The following ZYG11A variants were observed in gnomAD, a reference collection of about 807,000 sequenced individuals.
ZYG11A encodes zyg-11 family member A, cell cycle regulator.
Under a neutral mutation model 77.2 loss-of-function variants are expected in ZYG11A, and 62 were observed. The observed-to-expected ratio is 0.80, with a 90% CI of 0.65 to 0.99. The LOEUF (loss-of-function observed/expected upper bound fraction) is 0.99, where lower values mean the gene tolerates loss of function less well. Among genes scored for constraint, ZYG11A ranks in the 50% least tolerant of loss-of-function variants. The pLI is 0.00. For missense variants in ZYG11A, 828 were observed against 896.8 expected, an observed-to-expected ratio of 0.92 and a Z score of 0.98; for synonymous variants, 315 against 324.6, an observed-to-expected ratio of 0.97 and a Z score of 0.32.
At chr1:52,872,431 T>C (rs1414631717) in intron 8 of ZYG11A, among the ~76,000 whole-genome samples, 2 of 152,136 alleles carry the variant, frequency 1.3e-5, no homozygotes, top group Non-Finnish European at 2.9e-5. Flanking sequence ...TTACTGCTCA[T>C]TGATAATACA....
Position 52,857,626 on chromosome 1 carries a change from C to T in ZYG11A, c.885C>T (p.Gly295=), listed in dbSNP as rs748705308. 7.1e-6 allele frequency: 11 copies of T among 1,551,890 alleles called. No individual in the cohort carries two copies. The highest frequency in any genetic ancestry group is 1.2e-5 in the South Asian group (1 of 84,058). The change falls in exon 3 of 14, where the codon GGC becomes GGT. Residue 295 remains glycine (G), a synonymous_variant. Coordinates refer to ENST00000371528, the MANE Select transcript of ZYG11A (RefSeq NM_001004339.3). ...TTGTGTCATTGGATATTTCTGGGGG[C>T]AATTGCATCACTGATGAAGCTGTAG... ...PNVVSLDISG[G]NCITDEAVEL... is the part of the protein sequence containing the mutation.
intron 8 of ZYG11A, among the ~76,000 whole-genome samples, chr1:52,875,104 A>G (rs893590633): frequency 6.6e-6 from 1 of 152,212 alleles, no homozygotes; most frequent in Non-Finnish European, 1.5e-5. Context: ...GGAAGCTGAG[A>G]GTGGGTGTTT....
rs1645846435 is a variant in ZYG11A at position 52,857,889 on chromosome 1, G to T, written c.1008+140G>T. ...TTAAAGAGCTTTTTTAATAATTAAT[G>T]ATTATTATGTACCTACTATGTGGAA... On this transcript the variant is annotated intron_variant, in intron 3 of 13. Coordinates refer to ENST00000371528, the MANE Select transcript of ZYG11A (RefSeq NM_001004339.3). 1.6e-5 allele frequency: 10 copies of T among 609,992 alleles called. No individual in the cohort carries two copies. The East Asian group carries it at 1.8e-4, about 11-fold the overall frequency. 37.8% of individuals were successfully genotyped at this position (609,992 alleles called of 1,614,324 possible).
intron 1 of ZYG11A, among the ~76,000 whole-genome samples, chr1:52,848,821 C>T (rs568161574): frequency 1.8e-4 from 28 of 152,252 alleles, no homozygotes; most frequent in African/African-American, 6.5e-4. Flanking sequence ...GAGCCGAGAT[C>T]ATGCTACTGC....
Position 52,884,111 on chromosome 1 carries a change from C to T in ZYG11A, c.1945-1722C>T, listed in dbSNP as rs559572359. Among the ~76,000 whole-genome samples the T allele has an allele frequency of 3.6e-4, 54 of 152,092 alleles. 1 individual carries two copies. In the East Asian group the frequency reaches 9.7e-3, roughly 27 times the overall value. On this transcript the variant is annotated intron_variant, in intron 11 of 13. Transcript: ENST00000371528. ...GTCAGGCTTGTCTCCAACTCCTGAC[C>T]TTAGGTCATCCACCCACCTCGGCCT...
intron 1 of ZYG11A, among the ~76,000 whole-genome samples, chr1:52,844,113 C>T (rs563382608): frequency 6.6e-6 from 1 of 152,306 alleles, no homozygotes; most frequent in African/African-American, 2.4e-5. Flanking sequence ...ACTTGAATTT[C>T]ACCTCAGGTG....
At chr1:52,852,934 T>C (rs1367661662) in intron 1 of ZYG11A, among the ~76,000 whole-genome samples, 4 of 152,216 alleles carry the variant, frequency 2.6e-5, no homozygotes, top group Non-Finnish European at 4.4e-5. Flanking sequence ...AGTGGTCATA[T>C]GTGTACTCAC....
At chr1:52,871,956 TTGC>T (rs921521393) in intron 8 of ZYG11A, among the ~76,000 whole-genome samples, 1 of 152,238 alleles carries the variant, frequency 6.6e-6, no homozygotes, top group Non-Finnish European at 1.5e-5. Context: ...GTCATTTGCA[TTGC>T]TGTTACGGGT....
chr1:52,844,016 C>T (rs1185339733), intron 1 of ZYG11A, among the ~76,000 whole-genome samples: 1 of 152,132 alleles, frequency 6.6e-6, no homozygotes, highest in Non-Finnish European at 1.5e-5. Flanking sequence ...AGTCTGGTAA[C>T]CCCTAGTCTT....
chr1:52,873,397 C>T (rs949971611), intron 8 of ZYG11A, among the ~76,000 whole-genome samples: 5 of 152,070 alleles, frequency 3.3e-5, no homozygotes, highest in Non-Finnish European at 5.9e-5. Context: ...TGATTGGAAC[C>T]CTTGTGGATA....
chr1:52,860,825 T>A lies in ZYG11A; in HGVS notation c.1103T>A (p.Phe368Tyr). 6.4e-7 allele frequency: 1 copy of A among 1,551,730 alleles called. No individual in the cohort carries two copies. The highest frequency in any genetic ancestry group is 1.2e-5 in the South Asian group (1 of 84,064). Residue 368 changes from phenylalanine (F) to tyrosine (Y), a missense_variant, in exon 4 of 14, where the codon TTC becomes TAC. By Grantham distance (22) the Phe-to-Tyr change is conservative (BLOSUM62 3). Transcript: ENST00000371528. ...CFVKEALHRLFTETFSMEVTM... is the reference protein window; with the variant it reads ...CFVKEALHRLYTETFSMEVTM... ...GTGAAGGAAGCCCTCCACAGGCTGT[T>A]CACAGAGACATTTTCAATGGAGGTA... is the stretch of plus-strand genomic sequence containing the variant.
chr1:52,878,099 G>C (rs1361633513), intron 10 of ZYG11A, 130 bp downstream of exon 10: 1 of 750,932 alleles, frequency 1.3e-6, no homozygotes, highest in African/African-American at 1.8e-5. Flanking sequence ...CTTTACATTA[G>C]CCCTACAGAG....
chr1:52,890,006 C>T (rs2124860), intron 13 of ZYG11A, among the ~76,000 whole-genome samples: 6,852 of 150,948 alleles, frequency 0.045, 495 homozygotes, highest in East Asian at 0.34. Context: ...AGCCACGGCG[C>T]CTGGCCTCAA....
intron 1 of ZYG11A, among the ~76,000 whole-genome samples, chr1:52,843,543 A>T (rs1470086180): frequency 6.6e-6 from 1 of 151,986 alleles, no homozygotes; most frequent in African/African-American, 2.4e-5. Flanking sequence ...AGATTCTTTC[A>T]GTTCCGCGCG....
intron 13 of ZYG11A, among the ~76,000 whole-genome samples, chr1:52,889,269 G>A (rs950914969): frequency 1.3e-5 from 2 of 151,930 alleles, no homozygotes; most frequent in Non-Finnish European, 2.9e-5. Context: ...CAAATAGCTG[G>A]GACTATGGGT....
At chr1:52,881,356 A>G (rs1228911076) in intron 10 of ZYG11A, 115 bp from the exon 11 acceptor site, 12 of 692,848 alleles carry the variant, frequency 1.7e-5, no homozygotes, top group South Asian at 7.2e-5. Context: ...AGGCGGGTAT[A>G]AGAATAAGAG....
intron 8 of ZYG11A, among the ~76,000 whole-genome samples, chr1:52,873,507 T>C (rs1483854170): frequency 6.6e-6 from 1 of 152,104 alleles, no homozygotes; most frequent in Non-Finnish European, 1.5e-5. Flanking sequence ...ATTGCTGCAA[T>C]CTAAAACTTT....
chr1:52,864,262 T>C, intron 5 of ZYG11A, 105 bp downstream of exon 5: 2 of 1,189,584 alleles, frequency 1.7e-6, no homozygotes, highest in Non-Finnish European at 1.2e-6. Flanking sequence ...TTTGTTTTTT[T>C]AAAGACAGAG....
chr1:52,864,811 A>AT (rs555254016), intron 5 of ZYG11A, among the ~76,000 whole-genome samples: 11,159 of 137,860 alleles, frequency 0.081, 839 homozygotes, highest in African/African-American at 0.21. Context: ...TGCCTGGCTA[A>AT]TTTTTTTTTT....
Sources: allele counts gnomAD v4.1 joint callset (sites outside exome capture counted in the v4.1 genomes callset), GRCh38; gene constraint gnomAD v4.1.1; transcripts MANE v1.5; gene names NCBI Gene and HGNC (gene_info 2026-07-23, HGNC 2026-07-21).